MACF1: variants seen among roughly 807,000 people sequenced by gnomAD.
The protein encoded by MACF1 is microtubule actin crosslinking factor 1, also known as microtubule-actin cross-linking factor 1.
MACF1 carries 193 observed loss-of-function variants against 854.8 expected under a neutral mutation model. The ratio of observed to expected loss-of-function variants is 0.23; its 90% CI spans 0.20 to 0.25. The LOEUF (loss-of-function observed/expected upper bound fraction) is 0.25. Ranked by LOEUF, MACF1 falls within the 10% of genes least tolerant of loss-of-function variation. The pLI, the probability that MACF1 is intolerant of heterozygous loss-of-function variation, is 1.00. For missense variants in MACF1, 7,722 were observed against 8,929.1 expected (o/e 0.86, Z 5.45); for synonymous variants, 3,185 against 3,226.7 (o/e 0.99, Z 0.44).
Position 39,378,499 on chromosome 1 carries a change from G to A in MACF1, c.13252G>A (p.Val4418Ile). The A allele has an allele frequency of 2.5e-6, 4 of 1,614,000 alleles. No homozygotes were observed. The highest frequency in any genetic ancestry group is 3.4e-6 in the Non-Finnish European group (4 of 1,179,864). Residue 4418 changes from valine (V) to isoleucine (I), a missense_variant, in exon 53 of 101, where the codon GTA becomes ATA. Val to Ile is a conservative substitution (Grantham distance 29, BLOSUM62 3). Around this residue, in one of 15 missense-constraint regions of MACF1, gnomAD observed 2,807 missense variants for 3,235.8 expected, o/e 0.87. Transcript: ENST00000564288. ...LPSVGSSVGS[V>I]NGYHTCKDLT... ...CTCTGTAGGAAGCTCTGTAGGCAGT[G>A]TAAACGGATACCACACCTGCAAAGG...
chr1:39,137,686 T>C (rs965831942), intron 2 of MACF1, among the ~76,000 whole-genome samples: 1 of 152,214 alleles, frequency 6.6e-6, no homozygotes, highest in Non-Finnish European at 1.5e-5. Flanking sequence ...TTTATTTTTT[T>C]ACCTTCAGAT....
At chr1:39,386,898 A>G (rs984340386) in intron 57 of MACF1, among the ~76,000 whole-genome samples, 3 of 152,236 alleles carry the variant, frequency 2.0e-5, no homozygotes, top group Admixed American at 2.0e-4. Context: ...TTGGTAGAAG[A>G]AAAATTGTGC....
intron 97 of MACF1, 66 bp downstream of exon 97, chr1:39,469,681 A>T: frequency 8.2e-7 from 1 of 1,222,412 alleles, no homozygotes; most frequent in Non-Finnish European, 1.2e-6. Flanking sequence ...TTGCTTCTTA[A>T]ACTGTAACAT....
At chr1:39,269,920 T>G (rs1293486852) in intron 6 of MACF1, among the ~76,000 whole-genome samples, 1 of 152,214 alleles carries the variant, frequency 6.6e-6, no homozygotes, top group Non-Finnish European at 1.5e-5. Flanking sequence ...GACTTGTCTC[T>G]GGGGAATCCC....
chr1:39,467,755 G>A (rs1176220252), intron 95 of MACF1: 2 of 152,132 alleles, frequency 1.3e-5, no homozygotes, highest in Admixed American at 6.5e-5. Flanking sequence ...CTTTTCTGCT[G>A]GTGACACTGC....
At chr1:39,464,966 T>A in intron 94 of MACF1, 129 bp from the exon 95 acceptor site, 1 of 839,710 alleles carries the variant, frequency 1.2e-6, no homozygotes, top group Non-Finnish European at 2.0e-6. Flanking sequence ...GGTAAGAATA[T>A]GTTCAGTGTG....
intron 49 of MACF1, among the ~76,000 whole-genome samples, chr1:39,363,546 A>G (rs554394524): frequency 1.5e-4 from 23 of 151,268 alleles, no homozygotes; most frequent in African/African-American, 4.8e-4. Flanking sequence ...TTTAAACCAT[A>G]CTTTCATTGT....
At chr1:39,166,020 A>T (rs1323592120) in intron 2 of MACF1, among the ~76,000 whole-genome samples, 2 of 151,548 alleles carry the variant, frequency 1.3e-5, no homozygotes, top group African/African-American at 4.8e-5. Context: ...CCTGTCTTTG[A>T]GGGATTATCA....
intron 97 of MACF1, among the ~76,000 whole-genome samples, chr1:39,471,468 C>T (rs1052186806): frequency 6.6e-6 from 1 of 152,172 alleles, no homozygotes; most frequent in Non-Finnish European, 1.5e-5. Flanking sequence ...CCAGTGTGCA[C>T]TATCATTTCT....
chr1:39,269,723 A>C, intron 6 of MACF1: 1 of 1,287,012 alleles, frequency 7.8e-7, no homozygotes, highest in Non-Finnish European at 1.0e-6. Flanking sequence ...TGGAAGAGGT[A>C]GGTGGGCATG....
rs939505842 is a variant in MACF1, at chr1:39,283,686, T to C, written c.915+171T>C. Reference sequence around the variant, plus strand: ...TGGCCCTGGAAATGAGTCTAGATATTGCTAATTTTGTAACAATTAGCATAG... The same window carrying C: ...TGGCCCTGGAAATGAGTCTAGATATCGCTAATTTTGTAACAATTAGCATAG... On this transcript the variant is annotated intron_variant, in intron 9 of 100. Transcript: ENST00000564288. The surrounding 1 kb of genome is among the most constrained non-coding windows in gnomAD (Gnocchi z 4.5). Among the ~76,000 whole-genome samples, 1 of 152,242 alleles carries C rather than the reference T, an allele frequency of 6.6e-6. No individual in the cohort carries two copies. Among genetic ancestry groups the C allele is most frequent in the Non-Finnish European group, 1.5e-5 (1 of 68,034 alleles).
chr1:39,315,463 T>C, intron 26 of MACF1, 50 bp from the exon 27 acceptor site: 2 of 1,567,846 alleles, frequency 1.3e-6, no homozygotes, highest in Non-Finnish European at 1.7e-6. Context: ...TCTTTCTACC[T>C]TTTTTGTTCA....
At chr1:39,147,806 T>G (rs1339868690) in intron 2 of MACF1, among the ~76,000 whole-genome samples, 2 of 152,202 alleles carry the variant, frequency 1.3e-5, no homozygotes, top group African/African-American at 4.8e-5. Context: ...AAGTTCTGTT[T>G]GTCTAGCTGA....
chr1:39,442,011 C>A lies in MACF1; in HGVS notation c.18732C>A (p.Gly6244=). The A allele has an allele frequency of 1.2e-6, 2 of 1,614,098 alleles. No individual in the cohort carries two copies. The highest frequency in any genetic ancestry group is 1.7e-6 in the Non-Finnish European group (2 of 1,179,982). The change falls in exon 75 of 101, where the codon GGC becomes GGA. Residue 6244 remains glycine (G), a synonymous_variant. Coordinates refer to ENST00000564288, the MANE Select transcript of MACF1 (RefSeq NM_001394062.1). ...VIKLCTMPPV[G]TDLNTVKDQL... ...AACTCTGCACCATGCCCCCTGTTGG[C>A]ACTGACCTCAATACTGTTAAAGATC... is the stretch of plus-strand genomic sequence containing the variant.
rs1251382770 is a variant in MACF1, at chr1:39,422,545, A to G, written c.15978+10A>G. On this transcript the variant is annotated intron_variant, in intron 59 of 100. Transcript: ENST00000564288. ...TACATTGAATAAAAAGGTGAGTGAC[A>G]ATGGGGTAGCAAGTGTACTGGAAAC... is the stretch of plus-strand genomic sequence containing the variant. 2.5e-6 allele frequency: 4 copies of G among 1,603,094 alleles called. No homozygotes were observed. The Admixed American group carries it at 6.8e-5, about 27-fold the overall frequency.
chr1:39,335,797 A>G lies in MACF1; in HGVS notation c.9209A>G (p.Asn3070Ser), dbSNP rs200358822. Residue 3070 changes from asparagine (N) to serine (S), a missense_variant, in exon 37 of 101, where the codon AAT becomes AGT. Asn to Ser is a conservative substitution (Grantham distance 46, BLOSUM62 1). This residue lies in a region of MACF1 where 854 missense variants were observed against 852.6 expected (regional missense o/e 1.00). Coordinates refer to ENST00000564288, the MANE Select transcript of MACF1 (RefSeq NM_001394062.1). ...ACACTCTTCAGCTCTAAACAGGCCA[A>G]TGAAGGAAAAGTAAACAATTTAAGT... ...ALTLFSSKQA[N>S]EGKVNNLSLC... is the part of the protein sequence containing the mutation. 365 of 1,614,086 alleles carry G rather than the reference A, an allele frequency of 2.3e-4. 2 individuals carry two copies. Among genetic ancestry groups the G allele is most frequent in the Admixed American group, 3.7e-4 (22 of 60,008 alleles).
chr1:39,470,216 G>A (rs1364909311), intron 97 of MACF1, among the ~76,000 whole-genome samples: 1 of 152,164 alleles, frequency 6.6e-6, no homozygotes, highest in Non-Finnish European at 1.5e-5. Flanking sequence ...CATTTAGTGA[G>A]GACAGAGCTA....
At chr1:39,326,417 A>C (rs1646611559) in intron 35 of MACF1, among the ~76,000 whole-genome samples, 1 of 152,224 alleles carries the variant, frequency 6.6e-6, no homozygotes, top group South Asian at 2.1e-4. Context: ...GCGGTGGCTC[A>C]CGCCTATAAT....
chr1:39,461,495 A>G (rs902272137), intron 92 of MACF1, among the ~76,000 whole-genome samples: 16 of 152,126 alleles, frequency 1.1e-4, no homozygotes, highest in Non-Finnish European at 2.4e-4. Context: ...TTTGCTCTTA[A>G]GAAGTATTTC....
Sources: gnomAD v4.1 joint callset for allele counts (sites outside exome capture counted in the v4.1 genomes callset) on GRCh38, gnomAD v4.1.1 for gene constraint, gnomAD v4.1.1 regional missense constraint, Gnocchi (gnomAD v3.1) non-coding constraint, MANE v1.5 for transcripts, NCBI Gene and HGNC (gene_info 2026-07-23, HGNC 2026-07-21) for gene names.